Variants in TRIM35 observed in about 807,000 individuals in gnomAD.
TRIM35 encodes tripartite motif containing 35.
Under a neutral mutation model 49.1 loss-of-function variants are expected in TRIM35, and 37 were observed. The ratio of observed to expected loss-of-function variants is 0.75; its 90% CI spans 0.58 to 0.99. The LOEUF is 0.99. Among genes scored for constraint, TRIM35 ranks in the 50% least tolerant of loss-of-function variants. The probability of loss-of-function intolerance (pLI) is 0.00; values close to 1 mark genes in which losing one functional copy is unlikely to be tolerated. For missense variants in TRIM35, 648 were observed against 702.7 expected (o/e 0.92, Z 0.88); for synonymous variants, 302 against 289.3 (o/e 1.04, Z -0.45).
At chr8:27,298,583 G>A in intron 1 of TRIM35, 24 bp from the exon 2 acceptor site, 2 of 1,604,218 alleles carry the variant, frequency 1.2e-6, no homozygotes, top group Non-Finnish European at 1.7e-6. Flanking sequence ...GAGAGAGAGG[G>A]AGGAAGACAG....
chr8:27,287,335 G>A lies in TRIM35; in HGVS notation c.*215C>T, dbSNP rs1481551251. On this transcript the variant is annotated 3_prime_UTR_variant, in exon 6 of 6. Transcript: ENST00000305364. The surrounding 1 kb of genome is among the most constrained non-coding windows in gnomAD (Gnocchi z 6.0). ...CACGACTCGGGAGAGCCTGGCCAGC[G>A]AGGTGCCACCCGAATAGCTCCTGAC... 7.3e-5 allele frequency: 39 copies of A among 534,750 alleles called. No individual in the cohort carries two copies. The highest frequency in any genetic ancestry group is 2.9e-5 in the Non-Finnish European group (9 of 307,322). The allele number at this position is 534,750 out of a possible 1,614,324, so 33.1% of individuals were successfully genotyped here. A position where few individuals can be genotyped will look rare whatever the true frequency, so the allele number is the denominator to read the frequency against.
chr8:27,307,816 G>A (rs1377057128), intron 1 of TRIM35, among the ~76,000 whole-genome samples: 1 of 152,100 alleles, frequency 6.6e-6, no homozygotes, highest in East Asian at 1.9e-4. Flanking sequence ...CTATAAAATG[G>A]GGATAATAGC....
At chr8:27,300,423 C>A (rs1282537825) in intron 1 of TRIM35, among the ~76,000 whole-genome samples, 1 of 150,010 alleles carries the variant, frequency 6.7e-6, no homozygotes, top group Non-Finnish European at 1.5e-5. Context: ...AGAACTAGCC[C>A]ACAGAACCCT....
In TRIM35 at chr8:27,287,862, G is replaced by A. The variant is rs370036453; in HGVS notation, c.1170C>T (p.His390=). ...CATACCAGAAGCCCGAGCGTGTGTC[G>A]TGGTAGCAGCTGTGTGAGTGGCCCT... ...GAEGHSHSCY[H]DTRSGFWYVC... Residue 390 remains histidine, a synonymous_variant, in exon 6 of 6, where the codon CAC becomes CAT. Transcript: ENST00000305364. The surrounding 1 kb of genome is among the most constrained non-coding windows in gnomAD (Gnocchi z 6.0). The A allele has an allele frequency of 1.8e-5, 29 of 1,613,028 alleles. No homozygotes were observed. The highest frequency in any genetic ancestry group is 1.1e-4 in the African/African-American group (8 of 74,918).
intron 1 of TRIM35, among the ~76,000 whole-genome samples, chr8:27,301,174 T>C (rs1586051980): frequency 6.6e-6 from 1 of 152,242 alleles, no homozygotes; most frequent in Non-Finnish European, 1.5e-5. Flanking sequence ...ATTAAGCATG[T>C]ACTAGACACA....
chr8:27,309,067 G>T (rs1802845909), intron 1 of TRIM35, among the ~76,000 whole-genome samples: 1 of 152,184 alleles, frequency 6.6e-6, no homozygotes, highest in East Asian at 1.9e-4. Context: ...GGTCTATCTT[G>T]TCTCCTGCAG....
chr8:27,304,215 G>C (rs1802736883), intron 1 of TRIM35, among the ~76,000 whole-genome samples: 1 of 152,238 alleles, frequency 6.6e-6, no homozygotes, highest in Non-Finnish European at 1.5e-5. Context: ...GCTGGAAGCA[G>C]GAAGGTAGGG....
At chr8:27,305,866 C>G (rs957227191) in intron 1 of TRIM35, among the ~76,000 whole-genome samples, 8 of 152,164 alleles carry the variant, frequency 5.3e-5, no homozygotes, top group Non-Finnish European at 1.0e-4. Context: ...GATACAGGGT[C>G]TCACACTGTT....
At chr8:27,303,930 G>A (rs1281757843) in intron 1 of TRIM35, among the ~76,000 whole-genome samples, 1 of 152,178 alleles carries the variant, frequency 6.6e-6, no homozygotes, top group Non-Finnish European at 1.5e-5. Context: ...CTGATCTCAG[G>A]TGATCCGCCC....
intron 1 of TRIM35, among the ~76,000 whole-genome samples, chr8:27,303,252 T>C (rs918302240): frequency 6.6e-6 from 1 of 152,226 alleles, no homozygotes; most frequent in African/African-American, 2.4e-5. Flanking sequence ...ACTGGAGTAT[T>C]TAACACATAA....
At chr8:27,295,850 C>T (rs1802555310) in intron 2 of TRIM35, among the ~76,000 whole-genome samples, 1 of 152,022 alleles carries the variant, frequency 6.6e-6, no homozygotes, top group African/African-American at 2.4e-5. Flanking sequence ...GAGAATGATC[C>T]ACTCAAAAAG....
chr8:27,287,398 A>C lies in TRIM35; in HGVS notation c.*152T>G, dbSNP rs1802346589. 1 of 839,312 alleles carries C rather than the reference A, an allele frequency of 1.2e-6. No homozygotes were observed. The highest frequency in any genetic ancestry group is 2.7e-5 in the East Asian group (1 of 36,910). The allele number at this position is 839,312 out of a possible 1,614,324, so 52.0% of individuals were successfully genotyped here. A position where few individuals can be genotyped will look rare whatever the true frequency, so the allele number is the denominator to read the frequency against. ...AGGGACCAAACATGGAGAGAGGCAC[A>C]GCCTGGAGTCATGGAAAAGGACCAG... On this transcript the variant is annotated 3_prime_UTR_variant, in exon 6 of 6. Transcript: ENST00000305364. The surrounding 1 kb of genome is among the most constrained non-coding windows in gnomAD (Gnocchi z 6.0).
Position 27,287,838 on chromosome 8 carries a change from A to G in TRIM35, c.1194T>C (p.Tyr398=). Residue 398 remains tyrosine (Y), a synonymous_variant, in exon 6 of 6, where the codon TAT becomes TAC. Coordinates refer to ENST00000305364, the MANE Select transcript of TRIM35 (RefSeq NM_171982.5). The surrounding 1 kb of genome is among the most constrained non-coding windows in gnomAD (Gnocchi z 6.0). ...CCTCCACGCCCTGCGTGCGGCAGAC[A>G]TACCAGAAGCCCGAGCGTGTGTCGT... The part of the protein sequence containing the change: ...CYHDTRSGFW[Y]VCRTQGVEGD... The G allele has an allele frequency of 6.2e-7, 1 of 1,612,806 alleles. No individual in the cohort carries two copies. The highest frequency in any genetic ancestry group is 2.2e-5 in the East Asian group (1 of 44,820).
intron 1 of TRIM35, chr8:27,304,885 A>G (rs771177900): frequency 2.3e-6 from 1 of 440,248 alleles, no homozygotes; most frequent in South Asian, 1.6e-5. Flanking sequence ...TAAAAATGAA[A>G]GCAGAGAAGT....
chr8:27,302,272 CATAAT>C (rs1182711780), intron 1 of TRIM35, among the ~76,000 whole-genome samples: 2 of 152,214 alleles, frequency 1.3e-5, no homozygotes, highest in Non-Finnish European at 2.9e-5. Context: ...AATCCACGAA[CATAAT>C]ATATCACACC....
intron 1 of TRIM35, among the ~76,000 whole-genome samples, chr8:27,307,202 G>A (rs1332940382): frequency 6.6e-6 from 1 of 151,926 alleles, no homozygotes; most frequent in Non-Finnish European, 1.5e-5. Context: ...TCCATCATGC[G>A]CCACTGCACC....
Position 27,294,079 on chromosome 8 carries a change from C to T in TRIM35, c.762+1G>A, listed in dbSNP as rs1266352660. The stretch of plus-strand genomic sequence containing the variant: ...CTGAATCCAGACGCTGAGCTCCTTA[C>T]CATGAGAAAAGAAACGTCGTCCTCC... On this transcript the variant is annotated splice_donor_variant, in intron 3 of 5. Transcript: ENST00000305364. LOFTEE classifies it high-confidence loss of function. 1.2e-6 allele frequency: 2 copies of T among 1,613,778 alleles called. No homozygotes were observed. The highest frequency in any genetic ancestry group is 1.7e-5 in the Admixed American group (1 of 60,010).
chr8:27,298,179 G>A (rs1439213596), intron 2 of TRIM35, among the ~76,000 whole-genome samples: 1 of 152,248 alleles, frequency 6.6e-6, no homozygotes, highest in Non-Finnish European at 1.5e-5. Flanking sequence ...TGAACACACA[G>A]GTGGCAGTGA....
At chr8:27,305,207 C>A (rs1156977485) in intron 1 of TRIM35, among the ~76,000 whole-genome samples, 1 of 152,264 alleles carries the variant, frequency 6.6e-6, no homozygotes, top group Non-Finnish European at 1.5e-5. Context: ...GCCAGGTAAC[C>A]TAACTGTCCT....
Sources: allele counts gnomAD v4.1 joint callset (sites outside exome capture counted in the v4.1 genomes callset), GRCh38; gene constraint gnomAD v4.1.1; non-coding constraint Gnocchi (gnomAD v3.1); transcripts MANE v1.5; gene names NCBI Gene and HGNC (gene_info 2026-07-23, HGNC 2026-07-21).